The following CTTNBP2 variants were observed in gnomAD, a reference collection of about 807,000 sequenced individuals.
CTTNBP2 encodes the protein cortactin-binding protein 2.
In CTTNBP2, 108 loss-of-function variants were observed where a neutral mutation model predicts 156.9. That is an observed-to-expected ratio of 0.69 (90% CI 0.59 to 0.81). CTTNBP2 has a LOEUF of 0.81. CTTNBP2 is among the 30% of genes least tolerant of loss of function. The pLI, the probability that CTTNBP2 is intolerant of heterozygous loss-of-function variation, is 0.00. For synonymous variants in CTTNBP2, 767 were observed against 751.8 expected (o/e 1.02, Z -0.33); for missense variants, 1,924 against 2,035.4 (o/e 0.95, Z 1.05).
rs764759366 is a variant in CTTNBP2, at chr7:117,791,500, T to C, written c.1696A>G (p.Ile566Val). 6 of 1,614,102 alleles carry C rather than the reference T, an allele frequency of 3.7e-6. No individual in the cohort carries two copies. The African/African-American group carries it at 8.0e-5, about 22-fold the overall frequency. Residue 566 changes from isoleucine to valine, a missense_variant, in exon 4 of 23, where the codon ATT (isoleucine) becomes GTT (valine). By Grantham distance (29) the Ile-to-Val change is conservative. Coordinates refer to ENST00000160373, the MANE Select transcript of CTTNBP2 (RefSeq NM_033427.3). ...PSPPHPQLKV[I>V]IDSSRASNTG... ...TTCGAGGCCCTGCTGCTGTCTATAA[T>C]AACCTTGAGTTGGGGGTGTGGTGGA...
chr7:117,852,393 T>G (rs1035796237), intron 2 of CTTNBP2, among the ~76,000 whole-genome samples: 1 of 151,894 alleles, frequency 6.6e-6, no homozygotes, highest in South Asian at 2.1e-4. Context: ...GACTAAAATA[T>G]GCAAAGATGG....
intron 14 of CTTNBP2, among the ~76,000 whole-genome samples, chr7:117,739,942 A>G (rs1428457474): frequency 1.3e-5 from 2 of 152,224 alleles, no homozygotes; most frequent in Non-Finnish European, 2.9e-5. Flanking sequence ...TATTACTTTA[A>G]AATACCCATC....
At chr7:117,855,700 C>T (rs550970436) in intron 2 of CTTNBP2, among the ~76,000 whole-genome samples, 81 of 152,180 alleles carry the variant, frequency 5.3e-4, no homozygotes, top group African/African-American at 1.8e-3. Context: ...AAGAGCTTTA[C>T]ATTTTATTTT....
At chr7:117,729,468 A>T (rs1365084641) in intron 16 of CTTNBP2, among the ~76,000 whole-genome samples, 1 of 152,208 alleles carries the variant, frequency 6.6e-6, no homozygotes, top group African/African-American at 2.4e-5. Context: ...AATTTTGCAT[A>T]GAGGTGTGTA....
In CTTNBP2 at chr7:117,713,168, T is replaced by C. The variant is rs576445316; in HGVS notation, c.4747-1386A>G. Among the ~76,000 whole-genome samples the C allele has an allele frequency of 1.1e-4, 17 of 152,218 alleles. No homozygotes were observed. In the East Asian group the frequency reaches 2.5e-3, roughly 23 times the overall value. ...GAAACTACCCAGGTCCGTGGAAAAA[T>C]TGTCTTCCACGAAACCAGTCTCCAG... On this transcript the variant is annotated intron_variant, in intron 22 of 22. Transcript: ENST00000160373.
chr7:117,855,855 C>A (rs1314086462), intron 2 of CTTNBP2, among the ~76,000 whole-genome samples: 1 of 152,080 alleles, frequency 6.6e-6, no homozygotes, highest in African/African-American at 2.4e-5. Flanking sequence ...TATATAAAGC[C>A]AAGAAACAGA....
chr7:117,778,033 G>A (rs1326475346), intron 7 of CTTNBP2, among the ~76,000 whole-genome samples: 1 of 152,126 alleles, frequency 6.6e-6, no homozygotes, highest in African/African-American at 2.4e-5. Flanking sequence ...AGCAGGTACT[G>A]TCCAGGGCAT....
At chr7:117,841,516 T>C (rs1056470290) in intron 2 of CTTNBP2, among the ~76,000 whole-genome samples, 3 of 152,132 alleles carry the variant, frequency 2.0e-5, no homozygotes, top group Non-Finnish European at 2.9e-5. Context: ...CCTCTCTCTA[T>C]ATATACATGT....
At chr7:117,780,757 T>G (rs192662999) in intron 6 of CTTNBP2, among the ~76,000 whole-genome samples, 166 bp from the exon 7 acceptor site, 1 of 152,212 alleles carries the variant, frequency 6.6e-6, no homozygotes, top group African/African-American at 2.4e-5. Context: ...ACATGACTAC[T>G]GTTTTTTTCA....
chr7:117,747,800 T>C (rs1796416360), intron 12 of CTTNBP2, among the ~76,000 whole-genome samples: 1 of 151,824 alleles, frequency 6.6e-6, no homozygotes. Context: ...AGACATGAGG[T>C]TTGGCCTCTA....
Position 117,728,224 on chromosome 7 carries a change from A to T in CTTNBP2, c.3920T>A (p.Ile1307Asn). The T allele has an allele frequency of 1.2e-6, 2 of 1,614,166 alleles. No homozygotes were observed. Among genetic ancestry groups the T allele is most frequent in the Non-Finnish European group, 1.7e-6 (2 of 1,179,994 alleles). Residue 1307 changes from isoleucine (I) to asparagine (N), a missense_variant, in exon 17 of 23, where the codon ATT becomes AAT. Coordinates refer to ENST00000160373, the MANE Select transcript of CTTNBP2 (RefSeq NM_033427.3). Reference sequence around the variant, plus strand: ...CCAGACGGACAGAGCCCAGTCGACAATCTTGCACACAGGATCGCAGGGGGA... The same window carrying T: ...CCAGACGGACAGAGCCCAGTCGACATTCTTGCACACAGGATCGCAGGGGGA... The part of the protein sequence containing the change: ...APSPCDPVCK[I>N]VDWALSVWRQ...
At chr7:117,871,817 A>C (rs914811839) in intron 1 of CTTNBP2, 14 of 319,188 alleles carry the variant, frequency 4.4e-5, no homozygotes, top group Admixed American at 1.2e-4. Context: ...ACACACACAC[A>C]CCCTCTTTCT....
chr7:117,763,856 C>A (rs552972832), intron 9 of CTTNBP2, among the ~76,000 whole-genome samples: 1 of 152,108 alleles, frequency 6.6e-6, no homozygotes, highest in Non-Finnish European at 1.5e-5. Context: ...CAGGCATGAG[C>A]CACTATGCCT....
chr7:117,865,994 T>C lies in CTTNBP2; in HGVS notation c.82-4678A>G, dbSNP rs992770721. Among the ~76,000 whole-genome samples the C allele has an allele frequency of 2.7e-5, 4 of 148,986 alleles. No homozygotes were observed. The Admixed American group carries it at 2.7e-4, about 10-fold the overall frequency. The stretch of plus-strand genomic sequence containing the variant: ...ATATATACATATATATAGTATATTA[T>C]GTATAAATGGAAAAGGAGAAATAAT... On this transcript the variant is annotated intron_variant, in intron 1 of 22. Transcript: ENST00000160373.
intron 2 of CTTNBP2, among the ~76,000 whole-genome samples, chr7:117,847,145 T>C (rs1255343719): frequency 6.6e-6 from 1 of 152,088 alleles, no homozygotes; most frequent in Non-Finnish European, 1.5e-5. Context: ...TTTTAAATCA[T>C]TTCAGGGGCA....
intron 2 of CTTNBP2, among the ~76,000 whole-genome samples, chr7:117,847,242 T>C (rs1052177228): frequency 3.3e-5 from 5 of 151,746 alleles, no homozygotes; most frequent in Admixed American, 6.6e-5. Context: ...AAAGCAGAAA[T>C]GCAGAAAACT....
intron 5 of CTTNBP2, among the ~76,000 whole-genome samples, chr7:117,783,314 G>T (rs1798533411): frequency 6.6e-6 from 1 of 152,100 alleles, no homozygotes; most frequent in African/African-American, 2.4e-5. Flanking sequence ...AGAAAATAAT[G>T]TTCCTGGATG....
rs767538953 is a variant in CTTNBP2 at position 117,792,698 on chromosome 7, C to T, written c.498G>A (p.Lys166=). 1 of 1,612,974 alleles carries T rather than the reference C, an allele frequency of 6.2e-7. No homozygotes were observed. Among genetic ancestry groups the T allele is most frequent in the Non-Finnish European group, 8.5e-7 (1 of 1,179,362 alleles). Residue 166 remains lysine (K), a synonymous_variant, in exon 4 of 23, where the codon AAG becomes AAA. Transcript: ENST00000160373. This position sits in a 1 kb window ranked among gnomAD's most constrained non-coding sequence, Gnocchi z 4.2. ...CCAGCATCAGGACCACCTGCTTGTT[C>T]TTGCCACGCTCTTCCTCAAGGCGGG... The part of the protein sequence containing the change: ...LAARLEEERG[K]NKQVVLMLVK...
At chr7:117,864,681 T>TATATATTCATATATATTC (rs1200096921) in intron 1 of CTTNBP2, among the ~76,000 whole-genome samples, 3 of 108,940 alleles carry the variant, frequency 2.8e-5, no homozygotes, top group East Asian at 5.3e-4. Context: ...CATATATTTA[T>TATATATTCATATATATTC]ATATATTCAT....
Sources: allele counts gnomAD v4.1 joint callset (sites outside exome capture counted in the v4.1 genomes callset), GRCh38; gene constraint gnomAD v4.1.1; non-coding constraint Gnocchi (gnomAD v3.1); transcripts MANE v1.5; gene names NCBI Gene and HGNC (gene_info 2026-07-23, HGNC 2026-07-21).